The following CEP85 variants were observed in gnomAD, a reference collection of about 807,000 sequenced individuals.
The protein encoded by CEP85 is centrosomal protein 85, also known as centrosomal protein of 85 kDa.
In CEP85, 58 loss-of-function variants were observed where a neutral mutation model predicts 93.7. The ratio of observed to expected loss-of-function variants is 0.62; its 90% confidence interval spans 0.50 to 0.77. CEP85 has a LOEUF of 0.77. Ranked by LOEUF, CEP85 falls within the 30% of genes least tolerant of loss-of-function variation. The pLI is 0.00. For missense variants in CEP85, 868 were observed against 922.0 expected, an observed-to-expected ratio of 0.94 and a Z score of 0.76; for synonymous variants, 314 against 338.6, an observed-to-expected ratio of 0.93 and a Z score of 0.80.
rs145588256 is a variant in CEP85 at position 26,255,584 on chromosome 1, C to T, written c.622C>T (p.His208Tyr). 3.7e-5 allele frequency: 60 copies of T among 1,614,146 alleles called. No homozygotes were observed. In the African/African-American group the frequency reaches 7.2e-4, roughly 19 times the overall value. The change falls in exon 4 of 14, where the codon CAC becomes TAC. Residue 208 changes from histidine (H) to tyrosine (Y), a missense_variant. Physicochemically the swap from His to Tyr is moderately conservative, Grantham distance 83 (BLOSUM62 2). Transcript: ENST00000451429. ...YSDPHHRVRF[H>Y]NPRTSTSKEL... The stretch of plus-strand genomic sequence containing the variant: ...AGATCCTCACCACCGAGTCCGCTTC[C>T]ACAACCCAAGAACCAGCACAAGTAA...
chr1:26,236,600 GTTTC>G lies in CEP85; in HGVS notation c.-23+2300_-23+2303del, dbSNP rs1475544889. ...TTTGTATTGTTTTACTCCTTACGGGGTTTCTTTCTTTCTGTTTTTCTTTTTTGAG... is the reference window on the plus strand; with the variant it reads ...TTTGTATTGTTTTACTCCTTACGGGGTTTCTTTCTGTTTTTCTTTTTTGAG... On this transcript the variant is annotated intron_variant, in intron 1 of 13. Transcript: ENST00000451429. Among the ~76,000 whole-genome samples the G allele has an allele frequency of 5.3e-5, 8 of 152,186 alleles. No individual in the cohort carries two copies. The South Asian group carries it at 6.2e-4, about 12-fold the overall frequency.
At chr1:26,235,841 G>C (rs1246607686) in intron 1 of CEP85, among the ~76,000 whole-genome samples, 1 of 152,132 alleles carries the variant, frequency 6.6e-6, no homozygotes, top group Non-Finnish European at 1.5e-5. Flanking sequence ...CAAAATGCTG[G>C]GATTACAGGC....
At chr1:26,239,968 G>A (rs899396656) in intron 2 of CEP85, 130 bp downstream of exon 2, 6 of 688,706 alleles carry the variant, frequency 8.7e-6, no homozygotes, top group South Asian at 6.9e-5. Context: ...ATAACATGGG[G>A]CTTCATTGAA....
intron 3 of CEP85, among the ~76,000 whole-genome samples, chr1:26,252,817 A>G (rs2089639747): frequency 6.6e-6 from 1 of 152,216 alleles, no homozygotes; most frequent in Admixed American, 6.5e-5. Flanking sequence ...TGCATGTAAT[A>G]TAAGGCTTGC....
Position 26,255,404 on chromosome 1 carries a change from C to G in CEP85, c.442C>G (p.Leu148Val), listed in dbSNP as rs556523681. The G allele has an allele frequency of 7.4e-6, 12 of 1,614,012 alleles. No homozygotes were observed. Among genetic ancestry groups the G allele is most frequent in the African/African-American group, 6.7e-5 (5 of 74,902 alleles). ...MKHSPGLSRD[L>V]MYFSGATGEN... ...ACATTCTCCAGGCCTATCTAGAGAT[C>G]TCATGTATTTCTCTGGTGCTACTGG... Residue 148 changes from leucine (L) to valine (V), a missense_variant, in exon 4 of 14, where the codon CTC becomes GTC. Transcript: ENST00000451429.
chr1:26,256,034 T>C (rs1356441902), intron 4 of CEP85, among the ~76,000 whole-genome samples, 169 bp downstream of exon 4: 8 of 152,156 alleles, frequency 5.3e-5, no homozygotes. Context: ...ATCTGTTTGG[T>C]AGTCAAATTA....
rs370086716 is a variant in CEP85 at position 26,276,742 on chromosome 1, C to G, written c.2110C>G (p.Leu704Val). Reference sequence around the variant, plus strand: ...CCAGGGCCATGACCCCAATCTCTCCCTGCTCCTGGGCATTCACTGTGAGTC... The same window carrying G: ...CCAGGGCCATGACCCCAATCTCTCCGTGCTCCTGGGCATTCACTGTGAGTC... ...RAQGHDPNLS[L>V]LLGIHSQHPE... Residue 704 changes from leucine to valine, a missense_variant, in exon 13 of 14, where the codon CTG becomes GTG. Physicochemically the swap from Leu to Val is conservative, Grantham distance 32. Coordinates refer to ENST00000451429, the MANE Select transcript of CEP85 (RefSeq NM_001319944.2). The G allele has an allele frequency of 6.2e-7, 1 of 1,613,716 alleles. No individual in the cohort carries two copies. The highest frequency in any genetic ancestry group is 8.5e-7 in the Non-Finnish European group (1 of 1,179,832).
intron 8 of CEP85, 26 bp from the exon 9 acceptor site, chr1:26,269,434 C>A: frequency 3.7e-6 from 6 of 1,609,900 alleles, no homozygotes; most frequent in Non-Finnish European, 5.1e-6. Flanking sequence ...GCTTATTTGA[C>A]CTAAACATGG....
intron 7 of CEP85, among the ~76,000 whole-genome samples, chr1:26,260,215 G>A (rs2089784429): frequency 6.6e-6 from 1 of 152,096 alleles, no homozygotes. Context: ...TGTGCATCAG[G>A]CATGGTGGCT....
chr1:26,253,026 C>G (rs774708111), intron 3 of CEP85, among the ~76,000 whole-genome samples: 1 of 152,204 alleles, frequency 6.6e-6, no homozygotes, highest in East Asian at 1.9e-4. Context: ...GCTTATTTCT[C>G]TTAGTGTCCT....
chr1:26,260,195 A>G (rs1361299189), intron 7 of CEP85, among the ~76,000 whole-genome samples: 1 of 152,188 alleles, frequency 6.6e-6, no homozygotes, highest in Non-Finnish European at 1.5e-5. Flanking sequence ...AAAAGTAGAG[A>G]AAAATTCCAT....
intron 3 of CEP85, chr1:26,254,926 G>A (rs559477533): frequency 8.9e-5 from 45 of 504,980 alleles, no homozygotes; most frequent in Admixed American, 1.8e-4. Context: ...TTTTATTCCA[G>A]TACAAAGGAC....
At chr1:26,244,409 T>G (rs2089478437) in intron 3 of CEP85, 91 bp downstream of exon 3, 1 of 1,156,636 alleles carries the variant, frequency 8.6e-7, no homozygotes, top group African/African-American at 1.5e-5. Context: ...TTGTGTTATT[T>G]CCAGAATGTT....
chr1:26,250,301 A>G (rs1403777731), intron 3 of CEP85, among the ~76,000 whole-genome samples: 1 of 152,186 alleles, frequency 6.6e-6, no homozygotes, highest in Non-Finnish European at 1.5e-5. Context: ...ATCAGTGGTG[A>G]CATTAGATTC....
At position 26,255,159 on chromosome 1, in the gene CEP85, T is replaced by G; in HGVS notation, c.209-12T>G. The G allele has an allele frequency of 6.2e-7, 1 of 1,609,162 alleles. No individual in the cohort carries two copies. Among genetic ancestry groups the G allele is most frequent in the Non-Finnish European group, 8.5e-7 (1 of 1,176,384 alleles). ...TTCAATTTTTACTTATGGAAGACTATTCTCTCCCCAGATTTTTGCAGCTCA... is the reference window on the plus strand; with the variant it reads ...TTCAATTTTTACTTATGGAAGACTAGTCTCTCCCCAGATTTTTGCAGCTCA... On this transcript the variant is annotated splice_polypyrimidine_tract_variant and intron_variant, in intron 3 of 13. Coordinates refer to ENST00000451429, the MANE Select transcript of CEP85 (RefSeq NM_001319944.2).
rs1219250605 is a variant in CEP85, at chr1:26,259,626, C to T, written c.1165C>T (p.Arg389Ter). The change falls in exon 7 of 14, where the codon CGA becomes TGA. Residue 389 changes from arginine to a stop codon, truncating the protein, a stop_gained. Transcript: ENST00000451429. LOFTEE classifies it high-confidence loss of function. ...VCLLRLQELQRENTFLRAQFA... is the reference protein window; with the variant it reads ...VCLLRLQELQ ...AGAATCTTTCTGGCAGGAATTGCAG[C>T]GAGAAAACACTTTCTTACGTGCACA... 1.2e-6 allele frequency: 2 copies of T among 1,605,296 alleles called. No individual in the cohort carries two copies. Among genetic ancestry groups the T allele is most frequent in the East Asian group, 2.2e-5 (1 of 44,726 alleles).
chr1:26,241,244 A>ATTTTTT lies in CEP85; in HGVS notation c.55+1417_55+1422dup, dbSNP rs71004567. 2.7e-5 allele frequency among the ~76,000 whole-genome samples: 3 copies of ATTTTTT among 109,284 alleles called. 1 individual carries two copies. Among genetic ancestry groups the ATTTTTT allele is most frequent in the Admixed American group, 1.0e-4 (1 of 9,692 alleles). 71.7% of individuals were successfully genotyped at this position (109,284 alleles called of 152,430 possible). A position where few individuals can be genotyped will look rare whatever the true frequency, so the allele number is the denominator to read the frequency against. ...ATCAATTCAAGATTCATTCAGCAGAATTTTTTTTTTTTTTTTGAAATGGAG... is the reference window on the plus strand; with the variant it reads ...ATCAATTCAAGATTCATTCAGCAGAATTTTTTTTTTTTTTTTTTTTTTGAAATGGAG... On this transcript the variant is annotated intron_variant, in intron 2 of 13. Transcript: ENST00000451429.
chr1:26,251,176 C>T (rs1262648738), intron 3 of CEP85, among the ~76,000 whole-genome samples: 1 of 150,764 alleles, frequency 6.6e-6, no homozygotes. Flanking sequence ...CTCCTGACCT[C>T]AAATGATCCG....
intron 2 of CEP85, among the ~76,000 whole-genome samples, chr1:26,243,458 G>A (rs1274302830): frequency 6.6e-6 from 1 of 152,140 alleles, no homozygotes; most frequent in Non-Finnish European, 1.5e-5. Context: ...AGGAAAGAAT[G>A]TGGGTTTTGG....
Sources: allele counts gnomAD v4.1 joint callset (sites outside exome capture counted in the v4.1 genomes callset), GRCh38; gene constraint gnomAD v4.1.1; transcripts MANE v1.5; gene names NCBI Gene and HGNC (gene_info 2026-07-23, HGNC 2026-07-21).